VIRMA: variants seen among roughly 807,000 people sequenced by gnomAD.
The protein encoded by VIRMA is protein virilizer homolog.
VIRMA carries 65 observed loss-of-function variants against 182.4 expected under a neutral mutation model. The ratio of observed to expected loss-of-function variants is 0.36; its 90% CI spans 0.29 to 0.44. The LOEUF is 0.44. Among genes scored for constraint, VIRMA ranks in the 20% least tolerant of loss-of-function variants. The pLI is 1.00. For missense variants in VIRMA, 1,752 were observed against 2,158.1 expected, an observed-to-expected ratio of 0.81 and a Z score of 3.73; for synonymous variants, 709 against 743.1, an observed-to-expected ratio of 0.95 and a Z score of 0.75.
At chr8:94,539,185 C>T (rs556740666) in intron 2 of VIRMA, among the ~76,000 whole-genome samples, 10 of 152,116 alleles carry the variant, frequency 6.6e-5, no homozygotes, top group Non-Finnish European at 1.0e-4. Flanking sequence ...GGGACTCAGG[C>T]ATGCCTGTTT....
chr8:94,535,018 GGGAGGGC>G lies in VIRMA; in HGVS notation c.316-18_316-12del. 1.3e-6 allele frequency: 2 copies of G among 1,553,290 alleles called. No homozygotes were observed. The highest frequency in any genetic ancestry group is 2.2e-5 in the Admixed American group (1 of 45,022). On this transcript the variant is annotated splice_polypyrimidine_tract_variant and intron_variant, in intron 4 of 23. Transcript: ENST00000297591. ...ACCATCAGTATTCACCTGATTTTCAGGGAGGGCAAAAAAAATCTTTCAAAGTCATGTT... is the reference window on the plus strand; with the variant it reads ...ACCATCAGTATTCACCTGATTTTCAGAAAAAAAATCTTTCAAAGTCATGTT...
rs1001303018 is a variant in VIRMA, at chr8:94,553,407, G to C, written c.41C>G (p.Thr14Ser). The part of the protein sequence containing the change: ...DSAMELLFLD[T>S]FKHPSAEQSS... ...TACCTCAGCGCTCGGGTGTTTAAAA[G>C]TATCTAAAAATAACAGCTCCATCGC... The change falls in exon 1 of 24, where the codon ACT becomes AGT. Residue 14 changes from threonine to serine, a missense_variant. Coordinates refer to ENST00000297591, the MANE Select transcript of VIRMA (RefSeq NM_015496.5). 1 of 1,614,086 alleles carries C rather than the reference G, an allele frequency of 6.2e-7. No individual in the cohort carries two copies. The highest frequency in any genetic ancestry group is 2.2e-5 in the East Asian group (1 of 44,892).
chr8:94,521,874 CCATT>C (rs1170782960), intron 8 of VIRMA, among the ~76,000 whole-genome samples: 1 of 152,208 alleles, frequency 6.6e-6, no homozygotes, highest in African/African-American at 2.4e-5. Flanking sequence ...CCCTTATGGA[CCATT>C]CAGAGAATGG....
chr8:94,549,708 A>G (rs2130402825), intron 1 of VIRMA, among the ~76,000 whole-genome samples: 1 of 152,342 alleles, frequency 6.6e-6, no homozygotes, highest in Non-Finnish European at 1.5e-5. Context: ...AAAATGTATG[A>G]TGGTGGATCT....
Position 94,519,583 on chromosome 8 carries a change from T to C in VIRMA, c.2022-107A>G, listed in dbSNP as rs181502571. 68 of 1,156,078 alleles carry C rather than the reference T, an allele frequency of 5.9e-5. 1 individual carries two copies. In the East Asian group the frequency reaches 1.6e-3, roughly 28 times the overall value. 71.6% of individuals were successfully genotyped at this position (1,156,078 alleles called of 1,614,324 possible). Reference sequence around the variant, plus strand: ...AAATTTTTAATGACCATAATCCTTATCCTCAGTAATATACTGCTTTAACTG... The same window carrying C: ...AAATTTTTAATGACCATAATCCTTACCCTCAGTAATATACTGCTTTAACTG... On this transcript the variant is annotated intron_variant, in intron 8 of 23. Transcript: ENST00000297591.
intron 3 of VIRMA, 142 bp from the exon 4 acceptor site, chr8:94,537,293 T>G (rs1009204829): frequency 6.0e-6 from 4 of 664,170 alleles, no homozygotes; most frequent in African/African-American, 1.8e-5. Flanking sequence ...AGTTTGAGTT[T>G]AATGTATTGT....
At chr8:94,552,478 T>G (rs905679370) in intron 1 of VIRMA, among the ~76,000 whole-genome samples, 1 of 151,998 alleles carries the variant, frequency 6.6e-6, no homozygotes, top group African/African-American at 2.4e-5. Flanking sequence ...AAGAGCACAC[T>G]TGATAAAAAT....
chr8:94,505,253 G>GT (rs1055006488), intron 16 of VIRMA, among the ~76,000 whole-genome samples: 1 of 152,170 alleles, frequency 6.6e-6, no homozygotes, highest in African/African-American at 2.4e-5. Flanking sequence ...TACCTGCAAT[G>GT]TAAGTTTTCA....
chr8:94,535,189 A>G (rs543473553), intron 4 of VIRMA, among the ~76,000 whole-genome samples, 182 bp from the exon 5 acceptor site: 44 of 152,320 alleles, frequency 2.9e-4, no homozygotes, highest in African/African-American at 1.0e-3. Context: ...CAGAGCTACC[A>G]TAACTACACC....
At chr8:94,518,225 T>C (rs571364392) in intron 9 of VIRMA, among the ~76,000 whole-genome samples, 4 of 152,338 alleles carry the variant, frequency 2.6e-5, no homozygotes, top group African/African-American at 9.6e-5. Flanking sequence ...ACAAGTATAC[T>C]TCATTAGTAA....
chr8:94,548,886 T>G (rs941943689), intron 1 of VIRMA, among the ~76,000 whole-genome samples: 22 of 152,228 alleles, frequency 1.4e-4, no homozygotes, highest in African/African-American at 5.3e-4. Flanking sequence ...CTCAATCTCC[T>G]GACCTCGTGA....
chr8:94,507,895 A>ATATATATGTATATATGTATATATATATG (rs746921505), intron 15 of VIRMA, among the ~76,000 whole-genome samples: 1 of 148,808 alleles, frequency 6.7e-6, no homozygotes, highest in African/African-American at 2.5e-5. Flanking sequence ...GTATATATGT[A>ATATATATGTATATATGTATATATATATG]TATATATGTA....
chr8:94,519,390 G>C lies in VIRMA; in HGVS notation c.2108C>G (p.Ala703Gly). The change falls in exon 9 of 24, where the codon GCC becomes GGC. Residue 703 changes from alanine to glycine, a missense_variant. By Grantham distance (60) the Ala-to-Gly change is moderately conservative. This residue lies in a region of VIRMA where 401 missense variants were observed against 455.1 expected (regional missense o/e 0.88). Transcript: ENST00000297591. ...AAGAAACTTCAAAACATCTTTTGTG[G>C]CTTGCAGCACACCAGGGTGAGCACT... ...VTSAHPGVLQ[A>G]TKDVLKFLAQ... 6.4e-7 allele frequency: 1 copy of C among 1,562,334 alleles called. No homozygotes were observed. The highest frequency in any genetic ancestry group is 8.6e-7 in the Non-Finnish European group (1 of 1,159,202).
chr8:94,507,837 AAC>A (rs1230666162), intron 15 of VIRMA, among the ~76,000 whole-genome samples: 11 of 151,100 alleles, frequency 7.3e-5, no homozygotes, highest in African/African-American at 1.9e-4. Context: ...TGAACATTTA[AAC>A]ACAGTCTTTC....
At chr8:94,523,009 G>C (rs1363193385) in intron 8 of VIRMA, among the ~76,000 whole-genome samples, 5 of 151,986 alleles carry the variant, frequency 3.3e-5, no homozygotes, top group African/African-American at 4.8e-5. Context: ...AAAACACTCA[G>C]TAAGTATTTA....
In VIRMA at chr8:94,511,271, T is replaced by A; in HGVS notation, c.3304A>T (p.Ile1102Phe). 1 of 1,614,074 alleles carries A rather than the reference T, an allele frequency of 6.2e-7. No homozygotes were observed. The highest frequency in any genetic ancestry group is 1.3e-5 in the African/African-American group (1 of 75,058). The part of the protein sequence containing the change: ...SLMLKEVLSS[I>F]LKVPEGFFSG... ...AAAAATCCTTCAGGAACCTTCAAGATTGAAGAAAGAACTTCTTTTAACATT... is the reference window on the plus strand; with the variant it reads ...AAAAATCCTTCAGGAACCTTCAAGAATGAAGAAAGAACTTCTTTTAACATT... The change falls in exon 13 of 24, where the codon ATC (isoleucine) becomes TTC (phenylalanine). Residue 1102 changes from isoleucine to phenylalanine, a missense_variant. This residue lies in a region of VIRMA where 777 missense variants were observed against 920.6 expected (regional missense o/e 0.84). Coordinates refer to ENST00000297591, the MANE Select transcript of VIRMA (RefSeq NM_015496.5).
intron 16 of VIRMA, among the ~76,000 whole-genome samples, chr8:94,504,791 T>C (rs973975070): frequency 3.9e-5 from 6 of 152,082 alleles, no homozygotes; most frequent in African/African-American, 1.2e-4. Context: ...TGCCATTAGA[T>C]AGTCAAGTAG....
chr8:94,535,506 C>T (rs369683053), intron 4 of VIRMA, among the ~76,000 whole-genome samples: 8 of 152,118 alleles, frequency 5.3e-5, no homozygotes, highest in East Asian at 3.9e-4. Context: ...GGGAATTAGC[C>T]GGGTGCAGTG....
intron 1 of VIRMA, among the ~76,000 whole-genome samples, chr8:94,548,533 T>A (rs1815857880): frequency 1.3e-5 from 2 of 151,268 alleles, no homozygotes; most frequent in Admixed American, 1.3e-4. Context: ...ATACAATAGC[T>A]TTCCACTCAT....
Sources: gnomAD v4.1 joint callset for allele counts (sites outside exome capture counted in the v4.1 genomes callset) on GRCh38, gnomAD v4.1.1 for gene constraint, gnomAD v4.1.1 regional missense constraint, MANE v1.5 for transcripts, NCBI Gene and HGNC (gene_info 2026-07-23, HGNC 2026-07-21) for gene names.